Variants in DCC observed in about 807,000 individuals in gnomAD.
DCC encodes the protein DCC netrin 1 receptor.
A neutral mutation model predicts 172.5 loss-of-function variants in DCC; 58 were observed. The observed-to-expected ratio is 0.34, with a 90% CI of 0.27 to 0.42. DCC has a LOEUF of 0.42. DCC is among the 10% of genes least tolerant of loss of function. The probability of loss-of-function intolerance (pLI) is 1.00; values close to 1 mark genes in which losing one functional copy is unlikely to be tolerated. For synonymous variants in DCC, 709 were observed against 644.5 expected, an observed-to-expected ratio of 1.10 and a Z score of -1.52; for missense variants, 1,740 against 1,791.0, an observed-to-expected ratio of 0.97 and a Z score of 0.51.
At chr18:52,367,674 A>G (rs1984939855) in intron 1 of DCC, among the ~76,000 whole-genome samples, 1 of 152,172 alleles carries the variant, frequency 6.6e-6, no homozygotes, top group African/African-American at 2.4e-5. Context: ...TAGCTAATCT[A>G]GTGCCTAAGT....
intron 12 of DCC, among the ~76,000 whole-genome samples, chr18:53,267,263 C>T (rs140826003): frequency 0.045 from 6,751 of 151,556 alleles, 524 homozygotes; most frequent in African/African-American, 0.15. Context: ...CTCAGCTTAC[C>T]GCAACCTCTA....
At chr18:52,590,382 G>A (rs916123412) in intron 1 of DCC, among the ~76,000 whole-genome samples, 1 of 151,978 alleles carries the variant, frequency 6.6e-6, no homozygotes, top group Admixed American at 6.6e-5. Flanking sequence ...CTGAATATAC[G>A]CTCAGCCAAA....
intron 1 of DCC, among the ~76,000 whole-genome samples, chr18:52,505,151 A>C (rs2031183867): frequency 6.6e-6 from 1 of 152,188 alleles, no homozygotes; most frequent in Admixed American, 6.5e-5. Context: ...GTGCAAATTA[A>C]GTTTGTCGAA....
At chr18:52,392,411 G>A (rs941610156) in intron 1 of DCC, among the ~76,000 whole-genome samples, 1 of 152,122 alleles carries the variant, frequency 6.6e-6, no homozygotes, top group African/African-American at 2.4e-5. Flanking sequence ...TTAATAGGAT[G>A]ACTGCACATA....
At chr18:52,387,596 TTCC>T (rs1260204131) in intron 1 of DCC, among the ~76,000 whole-genome samples, 1 of 149,580 alleles carries the variant, frequency 6.7e-6, no homozygotes, top group African/African-American at 2.5e-5. Context: ...CCTTCCTTCC[TTCC>T]TTCCTTCCTT....
rs538265904 is a variant in DCC, at chr18:53,405,848, C to T, written c.2935+2955C>T. Among the ~76,000 whole-genome samples the T allele has an allele frequency of 1.1e-4, 17 of 152,058 alleles. No homozygotes were observed. In the South Asian group the frequency reaches 3.5e-3, roughly 32 times the overall value. On this transcript the variant is annotated intron_variant, in intron 19 of 28. Transcript: ENST00000442544. ...GGCCTTTCCTGAGTAAATAACTTACCCAAAATCAAATAAGCAAGAAGTGGC... is the reference window on the plus strand; with the variant it reads ...GGCCTTTCCTGAGTAAATAACTTACTCAAAATCAAATAAGCAAGAAGTGGC...
chr18:53,236,275 G>A (rs1250953808), intron 12 of DCC, among the ~76,000 whole-genome samples: 1 of 152,014 alleles, frequency 6.6e-6, no homozygotes, highest in East Asian at 1.9e-4. Flanking sequence ...AATCTAATAG[G>A]TATACAGTTA....
chr18:53,065,272 A>C (rs2042549571), intron 6 of DCC, among the ~76,000 whole-genome samples: 1 of 152,180 alleles, frequency 6.6e-6, no homozygotes, highest in South Asian at 2.1e-4. Context: ...AGGGGAGGTG[A>C]TTTAACACGT....
At chr18:52,739,873 G>T (rs1383968450) in intron 1 of DCC, among the ~76,000 whole-genome samples, 1 of 152,050 alleles carries the variant, frequency 6.6e-6, no homozygotes, top group African/African-American at 2.4e-5. Flanking sequence ...ATCATCTGGG[G>T]CTCTTTCTTT....
In DCC at chr18:52,730,745, G is replaced by C. The variant is rs556884994; in HGVS notation, c.92-21309G>C. ...CTGGAAGACAAACTGGAATCTGGAAGGGTTAGGATATTTGGCCTAGTCCTC... is the reference window on the plus strand; with the variant it reads ...CTGGAAGACAAACTGGAATCTGGAACGGTTAGGATATTTGGCCTAGTCCTC... On this transcript the variant is annotated intron_variant, in intron 1 of 28. Coordinates refer to ENST00000442544, the MANE Select transcript of DCC (RefSeq NM_005215.4). Among the ~76,000 whole-genome samples, 12 of 152,254 alleles carry C rather than the reference G, an allele frequency of 7.9e-5. No individual in the cohort carries two copies. In the East Asian group the frequency reaches 2.1e-3, roughly 27 times the overall value.
intron 2 of DCC, among the ~76,000 whole-genome samples, chr18:52,829,937 A>G (rs1195449975): frequency 1.3e-5 from 2 of 152,176 alleles, no homozygotes; most frequent in African/African-American, 4.8e-5. Flanking sequence ...TATTGTGGTC[A>G]GGGAAGCACC....
At chr18:52,990,576 C>T (rs1041448036) in intron 5 of DCC, among the ~76,000 whole-genome samples, 1 of 141,332 alleles carries the variant, frequency 7.1e-6, no homozygotes, top group Non-Finnish European at 1.5e-5. Flanking sequence ...AGCAAAGCTC[C>T]TTTTTTGCCA....
intron 3 of DCC, among the ~76,000 whole-genome samples, chr18:52,913,250 CATTCCATTCAG>C (rs1274935750): frequency 1.3e-5 from 2 of 152,084 alleles, no homozygotes; most frequent in East Asian, 3.9e-4. Flanking sequence ...GAGCTGATGA[CATTCCATTCAG>C]ATGTAACAAA....
chr18:53,301,434 CA>C (rs61512849), intron 12 of DCC, among the ~76,000 whole-genome samples: 22,010 of 150,322 alleles, frequency 0.15, 2,237 homozygotes, highest in African/African-American at 0.28. Context: ...TCTACCACCT[CA>C]AAAAAAAAAA....
At position 53,339,881 on chromosome 18, in the gene DCC, A is replaced by G; in HGVS notation, c.2333A>G (p.Gln778Arg). 2 of 1,613,808 alleles carry G rather than the reference A, an allele frequency of 1.2e-6. No individual in the cohort carries two copies. The highest frequency in any genetic ancestry group is 1.7e-6 in the Non-Finnish European group (2 of 1,179,828). Reference sequence around the variant, plus strand: ...GAGACAGTGCGTGTGGACAGCAAGCAGCGATATTATTCCATTGAGAGGTTA... The same window carrying G: ...GAGACAGTGCGTGTGGACAGCAAGCGGCGATATTATTCCATTGAGAGGTTA... The part of the protein sequence containing the change: ...YAETVRVDSK[Q>R]RYYSIERLES... The change falls in exon 15 of 29, where the codon CAG becomes CGG. Residue 778 changes from glutamine to arginine, a missense_variant. Gln to Arg is a conservative substitution (Grantham distance 43). Transcript: ENST00000442544.
intron 5 of DCC, among the ~76,000 whole-genome samples, chr18:52,939,071 T>C (rs1330219901): frequency 6.6e-6 from 1 of 152,202 alleles, no homozygotes; most frequent in Non-Finnish European, 1.5e-5. Context: ...CTCTATCACA[T>C]CCTACAAACC....
chr18:53,091,841 ATCTATCTATCAATC>A (rs1344300839), intron 7 of DCC, among the ~76,000 whole-genome samples: 240 of 64,768 alleles, frequency 3.7e-3, no homozygotes, highest in African/African-American at 0.017. Context: ...CTATCTATCT[ATCTATCTATCAATC>A]TATCTATATA....
intron 1 of DCC, among the ~76,000 whole-genome samples, chr18:52,718,502 C>T (rs529744742): frequency 2.0e-5 from 3 of 152,218 alleles, no homozygotes; most frequent in East Asian, 1.9e-4. Flanking sequence ...TCTGAAAGCA[C>T]GTGGTATCTG....
intron 7 of DCC, among the ~76,000 whole-genome samples, chr18:53,091,420 A>G (rs1357566485): frequency 1.3e-5 from 2 of 149,508 alleles, no homozygotes; most frequent in Non-Finnish European, 3.0e-5. Flanking sequence ...ATATACACAC[A>G]CACACGCACA....
Sources: gnomAD v4.1 joint callset for allele counts (sites outside exome capture counted in the v4.1 genomes callset) on GRCh38, gnomAD v4.1.1 for gene constraint, MANE v1.5 for transcripts, NCBI Gene and HGNC (gene_info 2026-07-23, HGNC 2026-07-21) for gene names.